Variants in CDH3 observed in about 807,000 individuals in gnomAD.
The protein encoded by CDH3 is cadherin-3.
CDH3 carries 54 observed loss-of-function variants against 82.0 expected under a neutral mutation model. That is an observed-to-expected ratio of 0.66 (90% CI 0.53 to 0.83). CDH3 has a LOEUF of 0.83. Among genes scored for constraint, CDH3 ranks in the 40% least tolerant of loss-of-function variants. The pLI is 0.00. For missense variants in CDH3, 1,054 were observed against 1,084.6 expected, an observed-to-expected ratio of 0.97 and a Z score of 0.40; for synonymous variants, 446 against 437.9, an observed-to-expected ratio of 1.02 and a Z score of -0.23.
At chr16:68,657,015 T>C (rs576347587) in intron 2 of CDH3, among the ~76,000 whole-genome samples, 21 of 152,106 alleles carry the variant, frequency 1.4e-4, no homozygotes, top group Non-Finnish European at 2.9e-4. Flanking sequence ...TAGAAGAGCT[T>C]GACAGACCCT....
downstream of CDH3, among the ~76,000 whole-genome samples, chr16:68,704,834 T>A (rs903142688): frequency 6.6e-6 from 1 of 152,226 alleles, no homozygotes; most frequent in South Asian, 2.1e-4. Flanking sequence ...GTGGGAAAAA[T>A]CATTTGAGCC....
intron 3 of CDH3, 124 bp from the exon 4 acceptor site, chr16:68,678,010 A>G (rs62057763): frequency 6.9e-4 from 614 of 892,536 alleles, no homozygotes; most frequent in Non-Finnish European, 9.7e-4. Flanking sequence ...GACCCTCCCA[A>G]AGTACTGGGA....
chr16:68,709,786 T>A (rs1054798225), intron 1 of CDH3, among the ~76,000 whole-genome samples: 12 of 152,262 alleles, frequency 7.9e-5, no homozygotes, highest in Middle Eastern at 3.4e-3. Context: ...GGCACCATCA[T>A]CAGCCCAGCT....
intron 11 of CDH3, 93 bp downstream of exon 11, chr16:68,685,443 A>G (rs1033825919): frequency 2.1e-6 from 3 of 1,401,626 alleles, no homozygotes; most frequent in East Asian, 2.3e-5. Context: ...AGGTGGGAAC[A>G]TGTGTCGAGG....
rs116422492 is a variant in CDH3, at chr16:68,684,439, A to G, written c.1183-144A>G. 1.2e-3 allele frequency: 1,059 copies of G among 917,304 alleles called. 11 individuals are homozygous for G. The African/African-American group carries it at 0.015, about 13-fold the overall frequency. The allele number at this position is 917,304 out of a possible 1,614,324, so 56.8% of individuals were successfully genotyped here. On this transcript the variant is annotated intron_variant, in intron 9 of 15. Transcript: ENST00000264012. ...GCACTCAGGAAACACGGGAGTGTTT[A>G]TGTTACAGAGAAAGGGCAGCACTGT...
intron 3 of CDH3, 130 bp from the exon 4 acceptor site, chr16:68,678,004 C>G (rs1961079898): frequency 1.2e-6 from 1 of 846,306 alleles, no homozygotes; most frequent in Non-Finnish European, 2.0e-6. Flanking sequence ...TCAAGTGACC[C>G]TCCCAAAGTA....
rs1961257560 is a variant in CDH3 at position 68,682,418 on chromosome 16, TG to T, written c.1114del (p.Asp372ThrfsTer19). 6.2e-7 allele frequency: 1 copy of T among 1,614,018 alleles called. No homozygotes were observed. The highest frequency in any genetic ancestry group is 1.3e-5 in the African/African-American group (1 of 74,996). On this transcript the variant is annotated frameshift_variant, in exon 9 of 16. Transcript: ENST00000264012. LOFTEE classifies it high-confidence loss of function. ...WRATYLIMGG[D>X]DGDHFTITTH... Reference sequence around the variant, plus strand: ...GTGCCACCTACCTTATCATGGGCGGTGACGACGGGGACCATTTTACCATCAC... The same window carrying T: ...GTGCCACCTACCTTATCATGGGCGGTACGACGGGGACCATTTTACCATCAC...
At chr16:68,664,280 A>G (rs1310716732) in intron 2 of CDH3, among the ~76,000 whole-genome samples, 1 of 152,198 alleles carries the variant, frequency 6.6e-6, no homozygotes, top group Non-Finnish European at 1.5e-5. Context: ...AAGCATCCAA[A>G]AGAGATACTG....
chr16:68,706,655 C>T (rs1249250172), intron 1 of CDH3, among the ~76,000 whole-genome samples: 1 of 145,638 alleles, frequency 6.9e-6, no homozygotes, highest in African/African-American at 2.5e-5. Flanking sequence ...CAGGTTCAAG[C>T]GATTCTCGTG....
At chr16:68,700,740 G>A (rs148713807), downstream of CDH3, among the ~76,000 whole-genome samples, 4 of 152,328 alleles carry the variant, frequency 2.6e-5, no homozygotes, top group East Asian at 7.7e-4. Flanking sequence ...TATAATCCCA[G>A]CTACTTGGGA....
downstream of CDH3, among the ~76,000 whole-genome samples, chr16:68,703,947 AAAT>A (rs1362453669): frequency 1.3e-5 from 2 of 151,398 alleles, no homozygotes; most frequent in African/African-American, 2.4e-5. Flanking sequence ...ACTCCGTCTC[AAAT>A]AATAATAATC....
At chr16:68,724,763 A>G (rs1962201515) in intron 2 of CDH3, among the ~76,000 whole-genome samples, 1 of 152,192 alleles carries the variant, frequency 6.6e-6, no homozygotes, top group Non-Finnish European at 1.5e-5. Flanking sequence ...GAATTAATCT[A>G]TATGGATGTC....
chr16:68,705,785 G>A (rs903944804), intron 1 of CDH3, among the ~76,000 whole-genome samples: 3 of 151,340 alleles, frequency 2.0e-5, no homozygotes, highest in Non-Finnish European at 4.4e-5. Context: ...AGCCCAGTGA[G>A]CCGGGCGCGG....
At chr16:68,729,791 C>T (rs1046999716), downstream of CDH3, among the ~76,000 whole-genome samples, 5 of 152,012 alleles carry the variant, frequency 3.3e-5, no homozygotes, top group South Asian at 1.0e-3. Flanking sequence ...GCCACCACAC[C>T]AGGCTATTTT....
chr16:68,668,992 C>A (rs2152095857), intron 2 of CDH3, among the ~76,000 whole-genome samples: 1 of 152,266 alleles, frequency 6.6e-6, no homozygotes, highest in South Asian at 2.1e-4. Context: ...AACTGAGCTT[C>A]TATATAATCA....
intron 2 of CDH3, among the ~76,000 whole-genome samples, chr16:68,669,071 C>A (rs905618357): frequency 6.6e-6 from 1 of 152,196 alleles, no homozygotes; most frequent in Non-Finnish European, 1.5e-5. Context: ...TTCTGGACTC[C>A]AAATTTCGTA....
intron 2 of CDH3, among the ~76,000 whole-genome samples, chr16:68,675,188 T>C (rs555192955): frequency 6.6e-6 from 1 of 152,094 alleles, no homozygotes; most frequent in Non-Finnish European, 1.5e-5. Context: ...TAAGGAAAGG[T>C]ATTTTTAAAC....
intron 9 of CDH3, among the ~76,000 whole-genome samples, chr16:68,682,976 G>C (rs918983736): frequency 3.3e-5 from 5 of 152,112 alleles, no homozygotes; most frequent in African/African-American, 1.2e-4. Flanking sequence ...AAGGCTGGGC[G>C]CAGTGGCTCA....
chr16:68,691,488 T>C (rs1961572344), intron 12 of CDH3, among the ~76,000 whole-genome samples: 1 of 152,250 alleles, frequency 6.6e-6, no homozygotes, highest in Non-Finnish European at 1.5e-5. Context: ...ATTATTGATT[T>C]TTTTAAAAGT....
Sources: allele counts gnomAD v4.1 joint callset (sites outside exome capture counted in the v4.1 genomes callset), GRCh38; gene constraint gnomAD v4.1.1; transcripts MANE v1.5; gene names NCBI Gene and HGNC (gene_info 2026-07-23, HGNC 2026-07-21).